SMAD6: variants seen among roughly 807,000 people sequenced by gnomAD.
The protein encoded by SMAD6 is MAD homolog 6.
Under a neutral mutation model 39.4 loss-of-function variants are expected in SMAD6, and 103 were observed. The ratio of observed to expected loss-of-function variants is 2.62; its 90% CI spans 2.23 to 3.08. SMAD6 has a LOEUF of 3.08. SMAD6 is among the 30% of genes most tolerant of loss of function. The pLI, the probability that SMAD6 is intolerant of heterozygous loss-of-function variation, is 0.00. For synonymous variants in SMAD6, 445 were observed against 353.3 expected (o/e 1.26, Z -2.91); for missense variants, 1,104 against 742.9 (o/e 1.49, Z -5.65).
chr15:66,745,516 A>G (rs1893892178), intron 3 of SMAD6, among the ~76,000 whole-genome samples: 1 of 152,198 alleles, frequency 6.6e-6, no homozygotes, highest in Non-Finnish European at 1.5e-5. Context: ...GTCAAGGGGA[A>G]AAGGGCTTCC....
At chr15:66,763,950 C>T (rs1163461626) in intron 3 of SMAD6, among the ~76,000 whole-genome samples, 1 of 152,254 alleles carries the variant, frequency 6.6e-6, no homozygotes, top group African/African-American at 2.4e-5. Context: ...CCTGGGCAGC[C>T]ACTGACTACC....
At chr15:66,761,338 C>T (rs1894195330) in intron 3 of SMAD6, among the ~76,000 whole-genome samples, 2 of 152,204 alleles carry the variant, frequency 1.3e-5, no homozygotes, top group Admixed American at 6.5e-5. Context: ...CTTCCTGTGT[C>T]TTACAATGTT....
rs751440011 is a variant in SMAD6, at chr15:66,781,334, GC to G, written c.1296del (p.Gly433AlafsTer106). ...GGRALVVRKV[P>X]PGYSIKVFDF... Reference sequence around the variant, plus strand: ...GCCGCGCCCTGGTCGTGCGCAAGGTGCCCCCCGGCTACTCCATCAAGGTGTT... The same window carrying G: ...GCCGCGCCCTGGTCGTGCGCAAGGTGCCCCCGGCTACTCCATCAAGGTGTT... On this transcript the variant is annotated frameshift_variant, in exon 4 of 4. Transcript: ENST00000288840. LOFTEE classifies it high-confidence loss of function. 4.4e-6 allele frequency: 7 copies of G among 1,598,750 alleles called. No homozygotes were observed. Among genetic ancestry groups the G allele is most frequent in the Non-Finnish European group, 2.6e-6 (3 of 1,174,172 alleles).
In SMAD6 at chr15:66,703,609, CGA is replaced by C; in HGVS notation, c.355_356del (p.Ser119Ter). 8.1e-7 allele frequency: 1 copy of C among 1,230,602 alleles called. No homozygotes were observed. Among genetic ancestry groups the C allele is most frequent in the Non-Finnish European group, 1.0e-6 (1 of 984,184 alleles). The allele number at this position is 1,230,602 out of a possible 1,614,324, so 76.2% of individuals were successfully genotyped here. On this transcript the variant is annotated frameshift_variant, in exon 1 of 4. Coordinates refer to ENST00000288840, the MANE Select transcript of SMAD6 (RefSeq NM_005585.5). LOFTEE classifies it high-confidence loss of function. ...AEPGGPGWLP[E>X]SDCETVTCCL... is the part of the protein sequence containing the mutation. The stretch of plus-strand genomic sequence containing the variant: ...AGCCGGGAGGCCCGGGCTGGCTGCC[CGA>C]GAGTGACTGCGAGACGGTGACCTGC...
intron 3 of SMAD6, among the ~76,000 whole-genome samples, chr15:66,759,444 A>G (rs1021895069): frequency 4.6e-5 from 7 of 152,336 alleles, no homozygotes; most frequent in African/African-American, 1.2e-4. Context: ...GATGAATTCT[A>G]TAGCGATGAA....
chr15:66,717,085 A>AG (rs1168910936), intron 3 of SMAD6: 7 of 1,289,010 alleles, frequency 5.4e-6, no homozygotes, highest in Admixed American at 2.3e-5. Flanking sequence ...AGCTGGTCAT[A>AG]GGGACCCCTA....
At chr15:66,764,947 C>T (rs1894263723) in intron 3 of SMAD6, among the ~76,000 whole-genome samples, 1 of 152,126 alleles carries the variant, frequency 6.6e-6, no homozygotes, top group Non-Finnish European at 1.5e-5. Context: ...TGGGTTTCAC[C>T]GCCATAGGGC....
intron 3 of SMAD6, among the ~76,000 whole-genome samples, chr15:66,773,296 C>T (rs1008965418): frequency 6.6e-6 from 1 of 152,202 alleles, no homozygotes; most frequent in Non-Finnish European, 1.5e-5. Flanking sequence ...AGCAGAGAGG[C>T]TCGTTCTAAG....
chr15:66,756,982 G>T (rs939695185), intron 3 of SMAD6, among the ~76,000 whole-genome samples: 1 of 152,302 alleles, frequency 6.6e-6, no homozygotes, highest in Non-Finnish European at 1.5e-5. Flanking sequence ...GACGGTTGTG[G>T]TGTAGTGGAA....
At chr15:66,713,620 G>A (rs1398530831) in intron 2 of SMAD6, among the ~76,000 whole-genome samples, 1 of 152,176 alleles carries the variant, frequency 6.6e-6, no homozygotes. Context: ...GCCTGGCTGG[G>A]CAAGTCACTT....
chr15:66,753,474 T>C (rs935372648), intron 3 of SMAD6, among the ~76,000 whole-genome samples: 1 of 152,200 alleles, frequency 6.6e-6, no homozygotes, highest in Non-Finnish European at 1.5e-5. Flanking sequence ...CTCGGCTCCC[T>C]TGGGTGGCCT....
chr15:66,758,182 A>T (rs1894136514), intron 3 of SMAD6, among the ~76,000 whole-genome samples: 1 of 152,214 alleles, frequency 6.6e-6, no homozygotes, highest in African/African-American at 2.4e-5. Context: ...ACTCTTTTTT[A>T]TTATTAATAT....
chr15:66,766,125 T>A (rs1894283476), intron 3 of SMAD6, among the ~76,000 whole-genome samples: 1 of 152,182 alleles, frequency 6.6e-6, no homozygotes, highest in South Asian at 2.1e-4. Context: ...GGATCCTCCT[T>A]AGTGGGCATG....
At chr15:66,765,930 C>G (rs192674943) in intron 3 of SMAD6, among the ~76,000 whole-genome samples, 37 of 152,284 alleles carry the variant, frequency 2.4e-4, no homozygotes, top group African/African-American at 8.4e-4. Flanking sequence ...GGTTAGGTGG[C>G]CAGGAATGCA....
In SMAD6 at chr15:66,781,496, C is replaced by T. The variant is rs755709344; in HGVS notation, c.1452C>T (p.Cys484=). The stretch of plus-strand genomic sequence containing the variant: ...ACTCCCGGCAGTTCATCACCTCCTG[C>T]CCCTGCTGGCTGGAGATCCTCCTCA... ...PCYSRQFITS[C]PCWLEILLNN... The change falls in exon 4 of 4, where the codon TGC becomes TGT. Residue 484 remains cysteine (C), a synonymous_variant. Coordinates refer to ENST00000288840, the MANE Select transcript of SMAD6 (RefSeq NM_005585.5). 2 of 1,575,704 alleles carry T rather than the reference C, an allele frequency of 1.3e-6. No homozygotes were observed. The highest frequency in any genetic ancestry group is 2.3e-5 in the East Asian group (1 of 44,012).
chr15:66,715,359 T>A (rs4776315), intron 2 of SMAD6, among the ~76,000 whole-genome samples: 38,643 of 150,964 alleles, frequency 0.26, 5,010 homozygotes, highest in Middle Eastern at 0.34. Flanking sequence ...GGTAAAAGGA[T>A]AAAAAGTTCC....
chr15:66,719,451 G>A (rs1024665327), intron 3 of SMAD6, among the ~76,000 whole-genome samples: 2 of 152,244 alleles, frequency 1.3e-5, no homozygotes, highest in South Asian at 4.2e-4. Flanking sequence ...CCACTCGCTG[G>A]CCTGGCCTTC....
At chr15:66,779,844 A>G (rs1358337085) in intron 3 of SMAD6, among the ~76,000 whole-genome samples, 1 of 152,206 alleles carries the variant, frequency 6.6e-6, no homozygotes, top group Non-Finnish European at 1.5e-5. Flanking sequence ...AAATCATGTC[A>G]CCTCACTGGG....
At chr15:66,758,447 G>A (rs571263343) in intron 3 of SMAD6, among the ~76,000 whole-genome samples, 72 of 152,334 alleles carry the variant, frequency 4.7e-4, no homozygotes, top group African/African-American at 1.7e-3. Flanking sequence ...CACTCTCAGG[G>A]CCAGGTGTGG....
Sources: allele counts gnomAD v4.1 joint callset (sites outside exome capture counted in the v4.1 genomes callset), GRCh38; gene constraint gnomAD v4.1.1; transcripts MANE v1.5; gene names NCBI Gene and HGNC (gene_info 2026-07-23, HGNC 2026-07-21).